Variants in AKIRIN2 observed in about 807,000 individuals in gnomAD.
AKIRIN2 encodes the protein akirin-2.
AKIRIN2 carries 6 observed loss-of-function variants against 29.3 expected under a neutral mutation model. That is an observed-to-expected ratio of 0.20 (90% CI 0.11 to 0.40). The LOEUF (loss-of-function observed/expected upper bound fraction) is 0.40, where lower values mean the gene tolerates loss of function less well. Ranked by LOEUF, AKIRIN2 falls within the 10% of genes least tolerant of loss-of-function variation. AKIRIN2 has a pLI of 1.00. For missense variants in AKIRIN2, 210 were observed against 276.1 expected, an observed-to-expected ratio of 0.76 and a Z score of 1.70; for synonymous variants, 128 against 117.5, an observed-to-expected ratio of 1.09 and a Z score of -0.58.
chr6:87,685,397 A>G (rs1390621807), intron 1 of AKIRIN2, among the ~76,000 whole-genome samples: 1 of 152,230 alleles, frequency 6.6e-6, no homozygotes, highest in South Asian at 2.1e-4. Context: ...TACCAGGTAG[A>G]TAAAGGCCTT....
chr6:87,682,176 A>T (rs1771131180), intron 1 of AKIRIN2, among the ~76,000 whole-genome samples: 1 of 152,234 alleles, frequency 6.6e-6, no homozygotes, highest in Non-Finnish European at 1.5e-5. Context: ...CAAGCCCATA[A>T]ATAAGAAGGG....
chr6:87,681,818 G>C, intron 1 of AKIRIN2, 55 bp from the exon 2 acceptor site: 1 of 1,419,922 alleles, frequency 7.0e-7, no homozygotes, highest in Non-Finnish European at 9.4e-7. Context: ...TTAAAAAAGA[G>C]GTTGGCTTTC....
Position 87,702,019 on chromosome 6 carries a change from T to A in AKIRIN2, c.-335A>T. ...CCGCCCCCGCCGTCCGCTCGAGCTT[T>A]GCGCCGCGCCTGAGGCGCTTCTGTG... On this transcript the variant is annotated 5_prime_UTR_variant, in exon 1 of 5. Coordinates refer to ENST00000257787, the MANE Select transcript of AKIRIN2 (RefSeq NM_018064.4). The A allele has an allele frequency of 2.5e-6, 1 of 404,164 alleles. No individual in the cohort carries two copies. The allele number at this position is 404,164 out of a possible 1,614,324, so 25.0% of individuals were successfully genotyped here. A position where few individuals can be genotyped will look rare whatever the true frequency, so the allele number is the denominator to read the frequency against.
At chr6:87,681,041 A>G (rs926053930) in intron 2 of AKIRIN2, among the ~76,000 whole-genome samples, 1 of 151,436 alleles carries the variant, frequency 6.6e-6, no homozygotes, top group South Asian at 2.1e-4. Flanking sequence ...CAGTATTGTT[A>G]TTATTTTTTT....
rs1318677681 is a variant in AKIRIN2 at position 87,698,373 on chromosome 6, T to TAAA, written c.235+3074_235+3076dup. On this transcript the variant is annotated intron_variant, in intron 1 of 4. Coordinates refer to ENST00000257787, the MANE Select transcript of AKIRIN2 (RefSeq NM_018064.4). ...ATCGTCACCTGCAATGAACAATACT[T>TAAA]AAAAAAAAAAAAAAAAGAATGAGCA... 3.3e-3 allele frequency among the ~76,000 whole-genome samples: 455 copies of TAAA among 136,250 alleles called. 12 individuals carry two copies. Among genetic ancestry groups the TAAA allele is most frequent in the Admixed American group, 0.028 (378 of 13,428 alleles). 89.4% of individuals were successfully genotyped at this position (136,250 alleles called of 152,430 possible).
Position 87,674,947 on chromosome 6 carries a change from T to G in AKIRIN2, c.*650A>C, listed in dbSNP as rs1770936866. On this transcript the variant is annotated 3_prime_UTR_variant, in exon 5 of 5. Transcript: ENST00000257787. ...AAAATAGAAGTAAATGTTTTATTCT[T>G]CCAACTAAATTCCAGTACTACAAGG... 1 of 150,112 alleles carries G rather than the reference T, an allele frequency of 6.7e-6. No individual in the cohort carries two copies. The highest frequency in any genetic ancestry group is 2.5e-5 in the African/African-American group (1 of 40,700). 9.3% of individuals were successfully genotyped at this position (150,112 alleles called of 1,614,324 possible).
At chr6:87,680,889 C>A (rs1771109841) in intron 2 of AKIRIN2, among the ~76,000 whole-genome samples, 1 of 151,226 alleles carries the variant, frequency 6.6e-6, no homozygotes, top group Non-Finnish European at 1.5e-5. Flanking sequence ...GAAATCTAGC[C>A]CAATAAGACA....
At chr6:87,685,489 T>C (rs1160661797) in intron 1 of AKIRIN2, among the ~76,000 whole-genome samples, 1 of 152,230 alleles carries the variant, frequency 6.6e-6, no homozygotes, top group Non-Finnish European at 1.5e-5. Flanking sequence ...CAAGTTAATA[T>C]TTTATCCAAG....
rs896399536 is a variant in AKIRIN2, at chr6:87,675,510, G to A, written c.*87C>T. The A allele has an allele frequency of 2.3e-5, 35 of 1,532,472 alleles. No individual in the cohort carries two copies. Among genetic ancestry groups the A allele is most frequent in the Non-Finnish European group, 3.2e-5 (35 of 1,106,832 alleles). 94.9% of individuals were successfully genotyped at this position (1,532,472 alleles called of 1,614,324 possible). A position where few individuals can be genotyped will look rare whatever the true frequency, so the allele number is the denominator to read the frequency against. ...GAAATAACCTGTATTCACAGAAGGG[G>A]TATTGGCATTGCTGCATGTCATAAT... On this transcript the variant is annotated 3_prime_UTR_variant, in exon 5 of 5. Transcript: ENST00000257787.
chr6:87,688,133 T>C (rs1771219051), intron 1 of AKIRIN2, among the ~76,000 whole-genome samples: 1 of 152,036 alleles, frequency 6.6e-6, no homozygotes, highest in Non-Finnish European at 1.5e-5. Context: ...TTGAGTTTTT[T>C]TTCTTGTTTT....
At position 87,701,745 on chromosome 6, in the gene AKIRIN2, G is replaced by T; in HGVS notation, c.-61C>A. ...GTCGGGGACGGGTGACGAAAGAAGA[G>T]GGTGAGGGAAGGGGTGAAGAGCGGG... On this transcript the variant is annotated 5_prime_UTR_variant, in exon 1 of 5. Transcript: ENST00000257787. 8.1e-7 allele frequency: 1 copy of T among 1,238,022 alleles called. No individual in the cohort carries two copies. Among genetic ancestry groups the T allele is most frequent in the Non-Finnish European group, 1.1e-6 (1 of 934,894 alleles). 76.7% of individuals were successfully genotyped at this position (1,238,022 alleles called of 1,614,324 possible).
chr6:87,681,816 G>C lies in AKIRIN2; in HGVS notation c.236-53C>G, dbSNP rs528541660. On this transcript the variant is annotated intron_variant, in intron 1 of 4. Coordinates refer to ENST00000257787, the MANE Select transcript of AKIRIN2 (RefSeq NM_018064.4). Reference sequence around the variant, plus strand: ...AGATAAAAACTTTCACATTAAAAAAGAGGTTGGCTTTCCAACATTATTTAG... The same window carrying C: ...AGATAAAAACTTTCACATTAAAAAACAGGTTGGCTTTCCAACATTATTTAG... 5.6e-6 allele frequency: 8 copies of C among 1,429,570 alleles called. No individual in the cohort carries two copies. In the South Asian group the frequency reaches 9.6e-5, roughly 17 times the overall value. The allele number at this position is 1,429,570 out of a possible 1,614,324, so 88.6% of individuals were successfully genotyped here. A position where few individuals can be genotyped will look rare whatever the true frequency, so the allele number is the denominator to read the frequency against.
intron 1 of AKIRIN2, among the ~76,000 whole-genome samples, chr6:87,688,769 C>T (rs1369999519): frequency 9.2e-5 from 14 of 151,840 alleles, no homozygotes; most frequent in Admixed American, 9.2e-4. Context: ...AAAAAACACA[C>T]AATAAATGGA....
chr6:87,676,993 C>T (rs1771020937), intron 3 of AKIRIN2, among the ~76,000 whole-genome samples: 1 of 150,896 alleles, frequency 6.6e-6, no homozygotes, highest in South Asian at 2.1e-4. Context: ...AGGAGAATGG[C>T]GTGAACCCGG....
intron 1 of AKIRIN2, among the ~76,000 whole-genome samples, chr6:87,691,440 TAAAA>T (rs34981397): frequency 2.4e-5 from 2 of 84,830 alleles, no homozygotes; most frequent in East Asian, 3.6e-4. Context: ...AACCTCATCT[TAAAA>T]AAAAAAAAAA....
At chr6:87,686,570 T>C (rs1771192032) in intron 1 of AKIRIN2, among the ~76,000 whole-genome samples, 1 of 152,014 alleles carries the variant, frequency 6.6e-6, no homozygotes, top group South Asian at 2.1e-4. Flanking sequence ...GCTTTACTAT[T>C]TTCCTCCAGA....
chr6:87,698,774 G>A (rs1371973945), intron 1 of AKIRIN2, among the ~76,000 whole-genome samples: 1 of 152,162 alleles, frequency 6.6e-6, no homozygotes, highest in Non-Finnish European at 1.5e-5. Flanking sequence ...AGTTGCAACA[G>A]TTTGAAAAAT....
intron 1 of AKIRIN2, among the ~76,000 whole-genome samples, chr6:87,684,465 T>C (rs2754256): frequency 0.09 from 13,761 of 152,222 alleles, 678 homozygotes; most frequent in African/African-American, 0.12. Context: ...GGAACTAACG[T>C]AACTATGATA....
intron 2 of AKIRIN2, among the ~76,000 whole-genome samples, chr6:87,678,467 A>T (rs1302908138): frequency 6.6e-6 from 1 of 152,122 alleles, no homozygotes; most frequent in Non-Finnish European, 1.5e-5. Flanking sequence ...ACGCCATTGC[A>T]CTCCAGCCTG....
Sources: allele counts gnomAD v4.1 joint callset (sites outside exome capture counted in the v4.1 genomes callset), GRCh38; gene constraint gnomAD v4.1.1; transcripts MANE v1.5; gene names NCBI Gene and HGNC (gene_info 2026-07-23, HGNC 2026-07-21).